Variants in GRXCR2 observed in about 807,000 individuals in gnomAD.
GRXCR2 encodes the protein glutaredoxin domain-containing cysteine-rich protein 2.
GRXCR2 carries 23 observed loss-of-function variants against 24.8 expected under a neutral mutation model. The observed-to-expected ratio is 0.93, with a 90% CI of 0.67 to 1.32. GRXCR2 has a LOEUF of 1.32. GRXCR2 is among the 40% of genes most tolerant of loss of function. The probability of loss-of-function intolerance (pLI) is 0.00; values close to 1 mark genes in which losing one functional copy is unlikely to be tolerated. For missense variants in GRXCR2, 315 were observed against 303.4 expected, an observed-to-expected ratio of 1.04 and a Z score of -0.28; for synonymous variants, 130 against 116.1, an observed-to-expected ratio of 1.12 and a Z score of -0.77.
chr5:145,878,605 C>G (rs1433353819), intron 2 of GRXCR2, among the ~76,000 whole-genome samples: 3 of 152,018 alleles, frequency 2.0e-5, no homozygotes, highest in Non-Finnish European at 4.4e-5. Context: ...AGAATAGAAC[C>G]AAGTTGGAAA....
At chr5:145,866,955 T>C (rs140614041) in intron 1 of GRXCR2, among the ~76,000 whole-genome samples, 8 of 152,288 alleles carry the variant, frequency 5.3e-5, no homozygotes, top group African/African-American at 1.9e-4. Flanking sequence ...CAATCAAAGC[T>C]GAACTACTCA....
rs191353500 is a variant in GRXCR2 at position 145,897,771 on chromosome 5, T to C, written c.-69-31043A>G. 3.9e-5 allele frequency among the ~76,000 whole-genome samples: 6 copies of C among 152,148 alleles called. No individual in the cohort carries two copies. In the East Asian group the frequency reaches 1.2e-3, roughly 29 times the overall value. On this transcript the variant is annotated intron_variant, in intron 2 of 3. Transcript: ENST00000639411. ...AAATCAAAAAATTATTTGAAATAAC[T>C]GAAAACAGAGACACAACATACCAAA...
At chr5:145,870,781 G>T (rs920524979) in intron 1 of GRXCR2, among the ~76,000 whole-genome samples, 5 of 152,138 alleles carry the variant, frequency 3.3e-5, no homozygotes, top group African/African-American at 1.2e-4. Flanking sequence ...TCAGAATCTG[G>T]CTATGATTGG....
chr5:145,885,770 C>T (rs946589835), intron 2 of GRXCR2, among the ~76,000 whole-genome samples: 13 of 152,086 alleles, frequency 8.5e-5, no homozygotes, highest in South Asian at 2.1e-4. Context: ...GTCAGTATTC[C>T]GAGGAAAATA....
At chr5:145,882,556 C>G (rs1456764310) in intron 2 of GRXCR2, among the ~76,000 whole-genome samples, 1 of 152,060 alleles carries the variant, frequency 6.6e-6, no homozygotes, top group African/African-American at 2.4e-5. Flanking sequence ...AATAGGAACA[C>G]TTTTTACACT....
intron 1 of GRXCR2, among the ~76,000 whole-genome samples, chr5:145,870,920 G>A (rs948634755): frequency 9.9e-5 from 15 of 152,040 alleles, no homozygotes; most frequent in African/African-American, 3.4e-4. Flanking sequence ...CTGCCATGAA[G>A]ACTCATTTAC....
chr5:145,921,705 C>T (rs1757322978), intron 2 of GRXCR2, among the ~76,000 whole-genome samples: 1 of 152,152 alleles, frequency 6.6e-6, no homozygotes, highest in Non-Finnish European at 1.5e-5. Flanking sequence ...CATACACACC[C>T]TTGAAACTGG....
intron 2 of GRXCR2, among the ~76,000 whole-genome samples, chr5:145,865,325 C>T (rs111484407): frequency 3.5e-4 from 53 of 150,398 alleles, no homozygotes; most frequent in Admixed American, 1.3e-3. Flanking sequence ...GCTTCCTCCA[C>T]CCCCAACCTC....
chr5:145,882,066 C>T (rs1472599793), intron 2 of GRXCR2, among the ~76,000 whole-genome samples: 1 of 152,130 alleles, frequency 6.6e-6, no homozygotes, highest in African/African-American at 2.4e-5. Context: ...CCATAAAACC[C>T]CTAGAAGAAA....
chr5:145,920,299 A>G (rs1193152050), intron 2 of GRXCR2, among the ~76,000 whole-genome samples: 1 of 152,154 alleles, frequency 6.6e-6, no homozygotes, highest in Admixed American at 6.5e-5. Context: ...AAAGCTAGTT[A>G]GAGATGCATA....
chr5:145,883,754 A>T (rs1360863476), intron 2 of GRXCR2, among the ~76,000 whole-genome samples: 1 of 152,136 alleles, frequency 6.6e-6, no homozygotes, highest in Non-Finnish European at 1.5e-5. Context: ...TTAGCCTATC[A>T]TGCCTGTAGT....
chr5:145,913,840 T>TA (rs1757198139), intron 2 of GRXCR2, among the ~76,000 whole-genome samples: 1 of 151,966 alleles, frequency 6.6e-6, no homozygotes, highest in Non-Finnish European at 1.5e-5. Context: ...CAATAATCTT[T>TA]AAAAAAATAA....
intron 2 of GRXCR2, among the ~76,000 whole-genome samples, chr5:145,900,781 A>G (rs1023206810): frequency 6.6e-6 from 1 of 152,222 alleles, no homozygotes; most frequent in African/African-American, 2.4e-5. Flanking sequence ...TGGCAATCCC[A>G]TCACTGGGTA....
At chr5:145,861,465 G>A (rs1295806286) in intron 2 of GRXCR2, among the ~76,000 whole-genome samples, 1 of 152,010 alleles carries the variant, frequency 6.6e-6, no homozygotes, top group Non-Finnish European at 1.5e-5. Context: ...CCAGAAGTCA[G>A]CTTAGCAGCT....
intron 2 of GRXCR2, among the ~76,000 whole-genome samples, chr5:145,896,696 C>G (rs10036694): frequency 9.2e-5 from 14 of 152,258 alleles, no homozygotes; most frequent in Non-Finnish European, 1.9e-4. Context: ...GGACTGTAAA[C>G]TAGTTCAACC....
At chr5:145,912,610 G>A (rs1049753088) in intron 2 of GRXCR2, among the ~76,000 whole-genome samples, 135 of 152,182 alleles carry the variant, frequency 8.9e-4, no homozygotes, top group Non-Finnish European at 1.5e-4. Flanking sequence ...ACAAAGCGAA[G>A]GAGAGTGACA....
At chr5:145,906,450 G>A (rs988031340) in intron 2 of GRXCR2, among the ~76,000 whole-genome samples, 1 of 152,182 alleles carries the variant, frequency 6.6e-6, no homozygotes, top group Non-Finnish European at 1.5e-5. Context: ...GCCTGAGAAT[G>A]AAGCTAACAG....
intron 2 of GRXCR2, among the ~76,000 whole-genome samples, chr5:145,928,417 G>A (rs1757431192): frequency 6.6e-6 from 1 of 151,998 alleles, no homozygotes. Flanking sequence ...ATACCCAAAG[G>A]ATTATAAATC....
chr5:145,914,448 G>A (rs1757207494), intron 2 of GRXCR2, among the ~76,000 whole-genome samples: 2 of 152,008 alleles, frequency 1.3e-5, no homozygotes, highest in South Asian at 4.1e-4. Flanking sequence ...AGCCGAGGCA[G>A]GTGGATCACC....
Sources: allele counts gnomAD v4.1 joint callset (sites outside exome capture counted in the v4.1 genomes callset), GRCh38; gene constraint gnomAD v4.1.1; transcripts MANE v1.5; gene names NCBI Gene and HGNC (gene_info 2026-07-23, HGNC 2026-07-21).